Variants in TLR6 observed in about 807,000 individuals in gnomAD.
TLR6 encodes toll like receptor 6, also known as toll-like receptor 6.
In TLR6, 9 loss-of-function variants were observed where a neutral mutation model predicts 16.1. The ratio of observed to expected loss-of-function variants is 0.56; its 90% CI spans 0.34 to 0.98. The LOEUF is 0.98. TLR6 is among the 50% of genes least tolerant of loss of function. The pLI is 0.02. For missense variants in TLR6, 786 were observed against 921.0 expected, an observed-to-expected ratio of 0.85 and a Z score of 1.90; for synonymous variants, 340 against 338.6, an observed-to-expected ratio of 1.00 and a Z score of -0.04.
the TLR6 span, among the ~76,000 whole-genome samples, chr4:38,866,003 G>C: frequency 6.6e-6 from 1 of 151,892 alleles, no homozygotes; most frequent in East Asian, 1.9e-4. Flanking sequence ...GCCGGGTGTG[G>C]TGGCACGCAC....
At position 38,838,967 on chromosome 4, in the gene TLR6, G is replaced by GGGAGGGA. The variant is rs1553857885; in HGVS notation, c.-64-9431_-64-9430insTCCCTCC. 1.9e-4 allele frequency among the ~76,000 whole-genome samples: 24 copies of GGGAGGGA among 129,352 alleles called. 1 individual carries two copies. The highest frequency in any genetic ancestry group is 7.5e-4 in the African/African-American group (22 of 29,380). 84.9% of individuals were successfully genotyped at this position (129,352 alleles called of 152,430 possible). ...AAGGGAGGAAGGAAGGAAGGAAGGG[G>GGGAGGGA]AGGAAGGAAAGAAAGGAGGGAGAGA... On this transcript the variant is annotated intron_variant, in intron 1 of 1. Coordinates refer to ENST00000436693, the Ensembl canonical transcript of TLR6.
chr4:38,850,458 A>C (rs1019509892), intron 1 of TLR6, among the ~76,000 whole-genome samples: 15 of 152,196 alleles, frequency 9.9e-5, no homozygotes, highest in African/African-American at 1.7e-4. Context: ...TTTTGAAAAG[A>C]TCAACAAAAT....
At chr4:38,840,541 G>A (rs1386623059) in intron 1 of TLR6, among the ~76,000 whole-genome samples, 1 of 151,882 alleles carries the variant, frequency 6.6e-6, no homozygotes, top group Non-Finnish European at 1.5e-5. Flanking sequence ...GGCTGAGGCA[G>A]GAGAATTGCT....
chr4:38,828,054 C>T lies in TLR6; in HGVS notation c.1420G>A (p.Ala474Thr), dbSNP rs5743817. 6,403 of 1,614,190 alleles carry T rather than the reference C, an allele frequency of 4.0e-3. 246 individuals are homozygous for T. In the African/African-American group the frequency reaches 0.076, roughly 19 times the overall value. The change falls in exon 2 of 2, where the codon GCT becomes ACT. Residue 474 changes from alanine to threonine, a missense_variant. Coordinates refer to ENST00000436693, the Ensembl canonical transcript of TLR6. ...AAAGCAACATTGAGTTCTTGCAAAG[C>T]TTCCAGTTTTACGACTTGTTTAGGA...
At chr4:38,833,475 G>T (rs1376183186) in intron 1 of TLR6, among the ~76,000 whole-genome samples, 2 of 152,190 alleles carry the variant, frequency 1.3e-5, no homozygotes, top group East Asian at 3.8e-4. Flanking sequence ...AAACTACACT[G>T]CTGTGCCCAC....
chr4:38,823,823 G>A (rs545275292), exon 2 of TLR6: 1 of 152,366 alleles, frequency 6.6e-6, no homozygotes, highest in Non-Finnish European at 1.5e-5. Context: ...CCCGTGGGAC[G>A]AGGTGCAGGG....
intron 1 of TLR6, among the ~76,000 whole-genome samples, chr4:38,831,528 T>G (rs183625804): frequency 1.3e-5 from 2 of 152,246 alleles, no homozygotes; most frequent in African/African-American, 4.8e-5. Context: ...TCATTAAAAT[T>G]AAAATTTTTG....
chr4:38,862,462 G>A, the TLR6 span, among the ~76,000 whole-genome samples: 1 of 151,792 alleles, frequency 6.6e-6, no homozygotes, highest in East Asian at 1.9e-4. Flanking sequence ...TGTATTTTTA[G>A]TACAGACGGG....
upstream of TLR6, among the ~76,000 whole-genome samples, chr4:38,859,287 C>A (rs58956533): frequency 0.16 from 24,093 of 152,102 alleles, 3,742 homozygotes; most frequent in African/African-American, 0.38. Flanking sequence ...GTATTGCAGT[C>A]ACAATGCAAG....
chr4:38,850,405 C>T (rs553668694), intron 1 of TLR6, among the ~76,000 whole-genome samples: 37 of 152,194 alleles, frequency 2.4e-4, no homozygotes, highest in East Asian at 3.9e-4. Context: ...GAGATAGAGA[C>T]ACAAAACACC....
At chr4:38,858,610 C>A (rs1021285444), upstream of TLR6, among the ~76,000 whole-genome samples, 1 of 151,844 alleles carries the variant, frequency 6.6e-6, no homozygotes. Flanking sequence ...CTCCCAGCTA[C>A]TCGGGAGGCT....
intron 1 of TLR6, among the ~76,000 whole-genome samples, chr4:38,841,286 G>T (rs767018270): frequency 6.6e-6 from 1 of 152,188 alleles, no homozygotes; most frequent in Non-Finnish European, 1.5e-5. Flanking sequence ...CATTGTGTGT[G>T]TATGTGAAAA....
intron 1 of TLR6, among the ~76,000 whole-genome samples, chr4:38,839,601 A>G (rs1275644434): frequency 2.0e-5 from 3 of 152,180 alleles, no homozygotes; most frequent in African/African-American, 7.2e-5. Context: ...GTGACCCTTC[A>G]CGGCTGAAGG....
At chr4:38,838,913 A>AAGGG (rs1433171081) in intron 1 of TLR6, among the ~76,000 whole-genome samples, 2 of 131,972 alleles carry the variant, frequency 1.5e-5, no homozygotes, top group Non-Finnish European at 3.2e-5. Context: ...AGAAGGAAGG[A>AAGGG]AGGGAGGGAG....
At chr4:38,848,895 C>T (rs558359309) in intron 1 of TLR6, among the ~76,000 whole-genome samples, 3 of 152,190 alleles carry the variant, frequency 2.0e-5, no homozygotes, top group Non-Finnish European at 4.4e-5. Context: ...CCTAGCAAGG[C>T]AGGCCAACAC....
At chr4:38,863,897 A>T in the TLR6 span, among the ~76,000 whole-genome samples, 1 of 152,152 alleles carries the variant, frequency 6.6e-6, no homozygotes, top group Non-Finnish European at 1.5e-5. Context: ...AGTCTCACTC[A>T]AAGTATAAAC....
At chr4:38,825,987 C>T (rs957648975) in exon 2 of TLR6, 4 of 140,880 alleles carry the variant, frequency 2.8e-5, no homozygotes, top group Admixed American at 2.1e-4. Context: ...CACTATTTAC[C>T]AGTCTCTGTG....
intron 1 of TLR6, among the ~76,000 whole-genome samples, chr4:38,839,487 A>G (rs59295951): frequency 0.18 from 27,406 of 152,092 alleles, 4,933 homozygotes; most frequent in African/African-American, 0.45. Flanking sequence ...CGGTTTGATA[A>G]TTTAAAAAAG....
chr4:38,850,231 T>G (rs184999008), intron 1 of TLR6, among the ~76,000 whole-genome samples: 1 of 152,260 alleles, frequency 6.6e-6, no homozygotes, highest in Non-Finnish European at 1.5e-5. Context: ...GTTAAAGCAG[T>G]GTGTAGAGGG....
Sources: allele counts gnomAD v4.1 joint callset (sites outside exome capture counted in the v4.1 genomes callset), GRCh38; gene constraint gnomAD v4.1.1; transcripts MANE v1.5; gene names NCBI Gene and HGNC (gene_info 2026-07-23, HGNC 2026-07-21).